The following SDCCAG8 variants were observed in gnomAD, a reference collection of about 807,000 sequenced individuals.
SDCCAG8 encodes SHH signaling and ciliogenesis regulator SDCCAG8, also known as serologically defined colon cancer antigen 8.
A neutral mutation model predicts 101.8 loss-of-function variants in SDCCAG8; 74 were observed. The observed-to-expected ratio is 0.73, with a 90% CI of 0.60 to 0.88. The LOEUF (loss-of-function observed/expected upper bound fraction) is 0.88. Ranked by LOEUF, SDCCAG8 falls within the 40% of genes least tolerant of loss-of-function variation. The pLI, the probability that SDCCAG8 is intolerant of heterozygous loss-of-function variation, is 0.00. For missense variants in SDCCAG8, 787 were observed against 822.6 expected (o/e 0.96, Z 0.53); for synonymous variants, 281 against 292.9 (o/e 0.96, Z 0.41).
intron 1 of SDCCAG8, among the ~76,000 whole-genome samples, chr1:243,265,572 G>A (rs1419792022): frequency 6.6e-6 from 1 of 152,190 alleles, no homozygotes; most frequent in Non-Finnish European, 1.5e-5. Flanking sequence ...CAGCACTTTG[G>A]GAGGCCAAGG....
At chr1:243,391,551 G>A (rs192836643) in intron 13 of SDCCAG8, among the ~76,000 whole-genome samples, 222 of 152,324 alleles carry the variant, frequency 1.5e-3, no homozygotes, top group Admixed American at 6.9e-3. Context: ...ATAGGGCTGA[G>A]CATCTCCTGC....
chr1:243,342,152 A>G (rs1362537435), intron 11 of SDCCAG8, among the ~76,000 whole-genome samples: 1 of 152,194 alleles, frequency 6.6e-6, no homozygotes, highest in Non-Finnish European at 1.5e-5. Flanking sequence ...ATAGGGTGGA[A>G]GTGAAGGAAT....
intron 1 of SDCCAG8, among the ~76,000 whole-genome samples, chr1:243,258,129 A>G (rs1253215756): frequency 6.6e-6 from 1 of 152,192 alleles, no homozygotes; most frequent in African/African-American, 2.4e-5. Flanking sequence ...TGTGATAACA[A>G]TATAAGGTAG....
At chr1:243,462,243 G>T (rs1198928827) in intron 16 of SDCCAG8, among the ~76,000 whole-genome samples, 2 of 152,182 alleles carry the variant, frequency 1.3e-5, no homozygotes, top group Non-Finnish European at 2.9e-5. Flanking sequence ...TGCAGGAGCT[G>T]GGATGCATGA....
At chr1:243,492,360 G>A (rs1425712457) in intron 17 of SDCCAG8, among the ~76,000 whole-genome samples, 1 of 123,670 alleles carries the variant, frequency 8.1e-6, no homozygotes. Flanking sequence ...GGAGTACAGT[G>A]GTGCAATCTC....
intron 16 of SDCCAG8, among the ~76,000 whole-genome samples, chr1:243,459,049 A>G (rs1658450505): frequency 6.6e-6 from 1 of 152,230 alleles, no homozygotes; most frequent in South Asian, 2.1e-4. Flanking sequence ...AGTGAGAAGA[A>G]AAAGCAGAGG....
intron 10 of SDCCAG8, among the ~76,000 whole-genome samples, chr1:243,340,413 A>G (rs185613995): frequency 3.9e-5 from 6 of 152,268 alleles, no homozygotes; most frequent in East Asian, 1.9e-4. Flanking sequence ...AGGGTCACCT[A>G]TTTTGTGCTG....
chr1:243,316,764 T>G lies in SDCCAG8; in HGVS notation c.939T>G (p.Asp313Glu). ...CTTTTTGTGCTGACAGAGAAAGAGATGACTTGATGTCTGCACTAGTTTCCG... is the reference window on the plus strand; with the variant it reads ...CTTTTTGTGCTGACAGAGAAAGAGAGGACTTGATGTCTGCACTAGTTTCCG... ...QTIERLVKERDDLMSALVSVR... is the reference protein window; with the variant it reads ...QTIERLVKEREDLMSALVSVR... Residue 313 changes from aspartate to glutamate, a missense_variant, in exon 9 of 18, where the codon GAT becomes GAG. Transcript: ENST00000366541. 6.2e-7 allele frequency: 1 copy of G among 1,614,200 alleles called. No individual in the cohort carries two copies. Among genetic ancestry groups the G allele is most frequent in the Non-Finnish European group, 8.5e-7 (1 of 1,180,018 alleles).
intron 12 of SDCCAG8, among the ~76,000 whole-genome samples, chr1:243,360,932 A>G (rs1386982467): frequency 6.6e-6 from 1 of 152,148 alleles, no homozygotes; most frequent in Non-Finnish European, 1.5e-5. Context: ...TCAAAGGCAA[A>G]GTCAAACAGT....
At chr1:243,360,199 G>A (rs538108729) in intron 12 of SDCCAG8, among the ~76,000 whole-genome samples, 1 of 143,496 alleles carries the variant, frequency 7.0e-6, no homozygotes, top group Non-Finnish European at 1.5e-5. Context: ...AGGCTGGAGT[G>A]CAGTGGCGCG....
At chr1:243,466,420 C>T (rs1006895876) in intron 16 of SDCCAG8, among the ~76,000 whole-genome samples, 12 of 152,200 alleles carry the variant, frequency 7.9e-5, no homozygotes, top group African/African-American at 2.9e-4. Flanking sequence ...GAGTAGTTAA[C>T]AGTGCAGGTT....
chr1:243,467,064 G>C (rs1253527236), intron 16 of SDCCAG8, among the ~76,000 whole-genome samples: 1 of 152,156 alleles, frequency 6.6e-6, no homozygotes, highest in Non-Finnish European at 1.5e-5. Context: ...AAACCTGGGG[G>C]GCACCTTGTG....
At chr1:243,344,070 GAATAGTCTAA>G (rs1422031765) in intron 11 of SDCCAG8, 135 bp from the exon 12 acceptor site, 14 of 690,844 alleles carry the variant, frequency 2.0e-5, no homozygotes, top group Non-Finnish European at 3.7e-5. Flanking sequence ...AAGCTACGTT[GAATAGTCTAA>G]TAGAAAATGG....
chr1:243,387,750 C>G (rs1269440194), intron 13 of SDCCAG8, among the ~76,000 whole-genome samples: 1 of 152,178 alleles, frequency 6.6e-6, no homozygotes, highest in Non-Finnish European at 1.5e-5. Flanking sequence ...GAGTCTTGCT[C>G]TGTTGCCCAG....
At chr1:243,498,241 T>C (rs1041878374) in intron 17 of SDCCAG8, among the ~76,000 whole-genome samples, 3 of 151,862 alleles carry the variant, frequency 2.0e-5, no homozygotes, top group African/African-American at 7.3e-5. Context: ...TCAGATCGTG[T>C]TGGTGGCAGT....
In SDCCAG8 at chr1:243,424,621, A is replaced by G. The variant is rs141912574; in HGVS notation, c.1854-1806A>G. ...ATAAATATCACTTATAAATAGCCAC[A>G]TTATCAGAATAATAAGTAACATAAC... On this transcript the variant is annotated intron_variant, in intron 15 of 17. Transcript: ENST00000366541. Among the ~76,000 whole-genome samples, 286 of 152,174 alleles carry G rather than the reference A, an allele frequency of 1.9e-3. 3 individuals are homozygous for G. Among genetic ancestry groups the G allele is most frequent in the African/African-American group, 6.4e-3 (267 of 41,570 alleles).
intron 13 of SDCCAG8, among the ~76,000 whole-genome samples, chr1:243,384,590 C>CCACACACA (rs113914411): frequency 0.023 from 3,401 of 149,394 alleles, 53 homozygotes; most frequent in East Asian, 0.037. Context: ...TGTTTAAAAA[C>CCACACACA]CACACACACA....
intron 16 of SDCCAG8, among the ~76,000 whole-genome samples, chr1:243,443,277 T>A (rs7551067): frequency 0.15 from 22,513 of 152,214 alleles, 1,757 homozygotes; most frequent in Non-Finnish European, 0.16. Context: ...GAACAATTCA[T>A]ACAAAAAGGG....
At position 243,282,450 on chromosome 1, in the gene SDCCAG8, T is replaced by C. The variant is rs7519976; in HGVS notation, c.421-3822T>C. ...TTATGATGTTGAACACAAAGTGTCA[T>C]CTGTCAAATTAATAAGAAAATATTT... On this transcript the variant is annotated intron_variant, in intron 4 of 17. Coordinates refer to ENST00000366541, the MANE Select transcript of SDCCAG8 (RefSeq NM_006642.5). 5.4e-3 allele frequency among the ~76,000 whole-genome samples: 818 copies of C among 152,310 alleles called. 7 individuals are homozygous for C. The highest frequency in any genetic ancestry group is 0.018 in the African/African-American group (769 of 41,568).
Sources: gnomAD v4.1 joint callset for allele counts (sites outside exome capture counted in the v4.1 genomes callset) on GRCh38, gnomAD v4.1.1 for gene constraint, MANE v1.5 for transcripts, NCBI Gene and HGNC (gene_info 2026-07-23, HGNC 2026-07-21) for gene names.